BCL2: variants seen among roughly 807,000 people sequenced by gnomAD.
BCL2 encodes the protein apoptosis regulator Bcl-2.
BCL2 carries 1 observed loss-of-function variant against 14.2 expected under a neutral mutation model. The observed-to-expected ratio is 0.07, with a 90% confidence interval of 0.02 to 0.33. The LOEUF is 0.33. BCL2 is among the 10% of genes least tolerant of loss of function. The pLI is 0.99. For missense variants in BCL2, 247 were observed against 305.9 expected, an observed-to-expected ratio of 0.81 and a Z score of 1.44; for synonymous variants, 151 against 137.2, an observed-to-expected ratio of 1.10 and a Z score of -0.70.
chr18:63,236,745 C>A (rs3810027), intron 2 of BCL2, among the ~76,000 whole-genome samples: 5 of 152,088 alleles, frequency 3.3e-5, no homozygotes, highest in East Asian at 1.9e-4. Context: ...CGATGGCCTC[C>A]GTTCCAGCAT....
At chr18:63,217,576 T>C (rs1599251435) in intron 2 of BCL2, among the ~76,000 whole-genome samples, 1 of 152,344 alleles carries the variant, frequency 6.6e-6, no homozygotes, top group East Asian at 1.9e-4. Context: ...AAATCTTGTC[T>C]TGACAACCTG....
intron 2 of BCL2, among the ~76,000 whole-genome samples, chr18:63,310,494 C>A (rs1436619802): frequency 1.3e-5 from 2 of 152,198 alleles, no homozygotes; most frequent in African/African-American, 4.8e-5. Flanking sequence ...TGGGTTGGGC[C>A]TCTCTGTCTA....
intron 2 of BCL2, among the ~76,000 whole-genome samples, chr18:63,176,562 G>C (rs147074303): frequency 6.6e-6 from 1 of 152,226 alleles, no homozygotes. Context: ...TGGTAGTAGC[G>C]GGTAAATGGG....
At chr18:63,243,244 A>C (rs1015809431) in intron 2 of BCL2, among the ~76,000 whole-genome samples, 1 of 152,216 alleles carries the variant, frequency 6.6e-6, no homozygotes, top group Non-Finnish European at 1.5e-5. Context: ...CATTATCCTA[A>C]GTAAACTAAC....
At chr18:63,216,737 C>T (rs1910215910) in intron 2 of BCL2, among the ~76,000 whole-genome samples, 1 of 152,206 alleles carries the variant, frequency 6.6e-6, no homozygotes, top group African/African-American at 2.4e-5. Context: ...GAGAGACGTG[C>T]ACCACTGAAA....
Position 63,127,730 on chromosome 18 carries a change from C to T in BCL2, c.*895G>A, listed in dbSNP as rs141174596. 2.4e-3 allele frequency: 546 copies of T among 225,184 alleles called. 3 individuals are homozygous for T. The highest frequency in any genetic ancestry group is 0.011 in the African/African-American group (499 of 44,956). The allele number at this position is 225,184 out of a possible 1,614,324, so 13.9% of individuals were successfully genotyped here. On this transcript the variant is annotated 3_prime_UTR_variant, in exon 3 of 3. Coordinates refer to ENST00000333681, the MANE Select transcript of BCL2 (RefSeq NM_000633.3). ...CTAGCCTTCCTGATGCGGAAGTCACCGAAATGTTCACTTCCTCAAGTTCCA... is the reference window on the plus strand; with the variant it reads ...CTAGCCTTCCTGATGCGGAAGTCACTGAAATGTTCACTTCCTCAAGTTCCA...
intron 2 of BCL2, among the ~76,000 whole-genome samples, chr18:63,201,345 C>G (rs1272615910): frequency 6.6e-6 from 1 of 152,190 alleles, no homozygotes; most frequent in Non-Finnish European, 1.5e-5. Context: ...GTCAATTCAT[C>G]CTTATAACCC....
chr18:63,198,843 A>AGACACAGAGACACACACAAAGACACACAG lies in BCL2; in HGVS notation c.586-70085_586-70084insCTGTGTGTCTTTGTGTGTGTCTCTGTGTC, dbSNP rs1909571641. Among the ~76,000 whole-genome samples the AGACACAGAGACACACACAAAGACACACAG allele has an allele frequency of 8.4e-5, 12 of 142,496 alleles. 3 individuals are homozygous for AGACACAGAGACACACACAAAGACACACAG. The highest frequency in any genetic ancestry group is 1.1e-4 in the Non-Finnish European group (7 of 64,284). 93.5% of individuals were successfully genotyped at this position (142,496 alleles called of 152,430 possible). A position where few individuals can be genotyped will look rare whatever the true frequency, so the allele number is the denominator to read the frequency against. ...GACACACAGACATACACAGACACAC[A>AGACACAGAGACACACACAAAGACACACAG]TAGACACAGAGACACACACAAAGAC... On this transcript the variant is annotated intron_variant, in intron 2 of 2. Transcript: ENST00000333681.
rs75180963 is a variant in BCL2, at chr18:63,254,375, G to C, written c.585+63707C>G. 5.5e-5 allele frequency among the ~76,000 whole-genome samples: 4 copies of C among 72,150 alleles called. No homozygotes were observed. The East Asian group carries it at 1.6e-3, about 29-fold the overall frequency. 47.3% of individuals were successfully genotyped at this position (72,150 alleles called of 152,430 possible). On this transcript the variant is annotated intron_variant, in intron 2 of 2. Coordinates refer to ENST00000333681, the MANE Select transcript of BCL2 (RefSeq NM_000633.3). ...AGCCTGGGCGGCATAGGGAAACCCT[G>C]TCTTTGCTAAAAAAAAAAAAAAAAA...
At chr18:63,294,252 C>T (rs1287480243) in intron 2 of BCL2, among the ~76,000 whole-genome samples, 1 of 152,032 alleles carries the variant, frequency 6.6e-6, no homozygotes, top group Non-Finnish European at 1.5e-5. Flanking sequence ...GAAGAGGTGG[C>T]TGGAACCCTC....
In BCL2 at chr18:63,126,272, C is replaced by T. The variant is rs1252834386; in HGVS notation, c.*2353G>A. Reference sequence around the variant, plus strand: ...CTTTCTTGGTGGAGCGTAAGCACCACTGCATTTCAGGAAGACCCTGAAGGA... The same window carrying T: ...CTTTCTTGGTGGAGCGTAAGCACCATTGCATTTCAGGAAGACCCTGAAGGA... On this transcript the variant is annotated 3_prime_UTR_variant, in exon 3 of 3. Coordinates refer to ENST00000333681, the MANE Select transcript of BCL2 (RefSeq NM_000633.3). 1 of 221,246 alleles carries T rather than the reference C, an allele frequency of 4.5e-6. No homozygotes were observed. The highest frequency in any genetic ancestry group is 9.1e-6 in the Non-Finnish European group (1 of 110,108). The allele number at this position is 221,246 out of a possible 1,614,324, so 13.7% of individuals were successfully genotyped here.
chr18:63,156,096 A>AAAAC (rs1914774281), intron 2 of BCL2, among the ~76,000 whole-genome samples: 1 of 151,378 alleles, frequency 6.6e-6, no homozygotes, highest in Non-Finnish European at 1.5e-5. Context: ...CCAAAAAAAA[A>AAAAC]AAAAAAAAAA....
chr18:63,309,936 C>T (rs1431932957), intron 2 of BCL2, among the ~76,000 whole-genome samples: 4 of 152,034 alleles, frequency 2.6e-5, no homozygotes, highest in African/African-American at 9.7e-5. Context: ...GATCTCGGCT[C>T]ACTGCAACCT....
In BCL2 at chr18:63,319,244, G is replaced by T; in HGVS notation, c.-357C>A. 1 of 241,180 alleles carries T rather than the reference G, an allele frequency of 4.1e-6. No homozygotes were observed. Among genetic ancestry groups the T allele is most frequent in the Non-Finnish European group, 7.9e-6 (1 of 126,470 alleles). 14.9% of individuals were successfully genotyped at this position (241,180 alleles called of 1,614,324 possible). ...TGTAAAACCAAAACAAATGCATAAG[G>T]CAACGATCCCATCAATCTTCAGCAC... On this transcript the variant is annotated 5_prime_UTR_variant, in exon 1 of 3. Transcript: ENST00000333681.
At chr18:63,247,729 A>G (rs1911191630) in intron 2 of BCL2, among the ~76,000 whole-genome samples, 1 of 152,156 alleles carries the variant, frequency 6.6e-6, no homozygotes, top group African/African-American at 2.4e-5. Flanking sequence ...GGAGTGAGGG[A>G]TGCCCTGTCA....
chr18:63,303,427 T>C (rs2850758), intron 2 of BCL2, among the ~76,000 whole-genome samples: 16,743 of 152,218 alleles, frequency 0.11, 970 homozygotes, highest in Admixed American at 0.14. Flanking sequence ...TAGGAAAGAT[T>C]TCACCTTCTA....
chr18:63,185,483 T>C (rs188922759), intron 2 of BCL2, among the ~76,000 whole-genome samples: 1 of 152,236 alleles, frequency 6.6e-6, no homozygotes, highest in African/African-American at 2.4e-5. Context: ...AAATCTGAAG[T>C]GTTTCCTTCA....
At chr18:63,255,649 C>T (rs1490811087) in intron 2 of BCL2, among the ~76,000 whole-genome samples, 1 of 152,152 alleles carries the variant, frequency 6.6e-6, no homozygotes, top group African/African-American at 2.4e-5. Context: ...TTGGGCTACT[C>T]ACTTCTTAAC....
At chr18:63,169,294 TTC>T (rs1211958455) in intron 2 of BCL2, among the ~76,000 whole-genome samples, 1 of 92,586 alleles carries the variant, frequency 1.1e-5, no homozygotes, top group Non-Finnish European at 2.0e-5. Flanking sequence ...CTTTCTTTCT[TTC>T]TTTCTTTCTT....
Sources: allele counts gnomAD v4.1 joint callset (sites outside exome capture counted in the v4.1 genomes callset), GRCh38; gene constraint gnomAD v4.1.1; transcripts MANE v1.5; gene names NCBI Gene and HGNC (gene_info 2026-07-23, HGNC 2026-07-21).